Variants in GAREM1 observed in about 807,000 individuals in gnomAD.
The protein encoded by GAREM1 is GRB2-associated and regulator of MAPK protein 1.
Under a neutral mutation model 71.3 loss-of-function variants are expected in GAREM1, and 26 were observed. That is an observed-to-expected ratio of 0.36 (90% CI 0.27 to 0.51). The LOEUF is 0.51. Among genes scored for constraint, GAREM1 ranks in the 20% least tolerant of loss-of-function variants. The probability of loss-of-function intolerance (pLI) is 0.95; values close to 1 mark genes in which losing one functional copy is unlikely to be tolerated. For synonymous variants in GAREM1, 440 were observed against 433.2 expected (o/e 1.02, Z -0.20); for missense variants, 1,026 against 1,103.1 (o/e 0.93, Z 0.99).
rs145496148 is a variant in GAREM1, at chr18:32,450,704, C to T, written c.121+19604G>A. On this transcript the variant is annotated intron_variant, in intron 1 of 5. Coordinates refer to ENST00000269209, the MANE Select transcript of GAREM1 (RefSeq NM_001242409.2). ...GCTTTCTCATACCTCCAGCCTTTAG[C>T]ACTTACTGGAGTCATAATCCCAGCA... Among the ~76,000 whole-genome samples the T allele has an allele frequency of 6.2e-3, 944 of 152,280 alleles. 12 individuals are homozygous for T. The highest frequency in any genetic ancestry group is 0.021 in the African/African-American group (881 of 41,544).
intron 4 of GAREM1, among the ~76,000 whole-genome samples, chr18:32,286,007 T>C (rs1411995933): frequency 6.6e-6 from 1 of 152,210 alleles, no homozygotes; most frequent in East Asian, 1.9e-4. Flanking sequence ...TTGGGATTCA[T>C]GTAATTCTTT....
intron 2 of GAREM1, among the ~76,000 whole-genome samples, chr18:32,388,673 G>A (rs1406352146): frequency 6.6e-6 from 1 of 152,108 alleles, no homozygotes; most frequent in African/African-American, 2.4e-5. Context: ...CCAAACTGAG[G>A]GTTGTTTTAG....
Position 32,287,854 on chromosome 18 carries a change from T to G in GAREM1, c.743A>C (p.Asn248Thr). The G allele has an allele frequency of 1.2e-6, 2 of 1,614,034 alleles. No individual in the cohort carries two copies. The highest frequency in any genetic ancestry group is 8.5e-7 in the Non-Finnish European group (1 of 1,179,988). Residue 248 changes from asparagine to threonine, a missense_variant, in exon 4 of 6, where the codon AAT becomes ACT. Asn to Thr is a moderately conservative substitution (Grantham distance 65). Coordinates refer to ENST00000269209, the MANE Select transcript of GAREM1 (RefSeq NM_001242409.2). The surrounding 1 kb of genome is among the most constrained non-coding windows in gnomAD (Gnocchi z 5.9). ...NIVEKTRLPVNVTVPSPPPRN... is the reference protein window; with the variant it reads ...NIVEKTRLPVTVTVPSPPPRN... ...CGGTGGAGGGCTTGGCACAGTCACA[T>G]TCACAGGAAGCCTGGTTTTCTCCAC...
chr18:32,460,115 TAAAAAAA>T (rs35244955), intron 1 of GAREM1, among the ~76,000 whole-genome samples: 11 of 133,422 alleles, frequency 8.2e-5, no homozygotes, highest in Admixed American at 7.6e-4. Flanking sequence ...TCATCTTATT[TAAAAAAA>T]AAAAAAAAAA....
At position 32,456,369 on chromosome 18, in the gene GAREM1, C is replaced by T. The variant is rs1200695383; in HGVS notation, c.121+13939G>A. Among the ~76,000 whole-genome samples the T allele has an allele frequency of 2.0e-5, 3 of 152,036 alleles. No homozygotes were observed. The South Asian group carries it at 6.2e-4, about 31-fold the overall frequency. ...CCTCAGAATCACTGATAGGGAAATG[C>T]AAATTAACGCAGCAATAAGAGCTTT... On this transcript the variant is annotated intron_variant, in intron 1 of 5. Transcript: ENST00000269209.
chr18:32,285,477 C>A (rs1014720215), intron 4 of GAREM1, among the ~76,000 whole-genome samples: 2 of 152,224 alleles, frequency 1.3e-5, no homozygotes, highest in African/African-American at 2.4e-5. Context: ...TCTTGTTTTC[C>A]CTCTTACATG....
At chr18:32,346,897 G>A (rs2047702381) in intron 2 of GAREM1, among the ~76,000 whole-genome samples, 1 of 152,210 alleles carries the variant, frequency 6.6e-6, no homozygotes, top group Non-Finnish European at 1.5e-5. Context: ...AAGGGAAAGA[G>A]GCCGGTCACC....
At chr18:32,364,010 ATATATATATATATATATGTTTTTTTT>A (rs2047896750) in intron 2 of GAREM1, among the ~76,000 whole-genome samples, 2 of 47,990 alleles carry the variant, frequency 4.2e-5, no homozygotes, top group African/African-American at 1.2e-4. Flanking sequence ...ATATATATAT[ATATATATATATATATATGTTTTTTTT>A]TTTTTTTTTT....
Position 32,288,054 on chromosome 18 carries a change from A to G in GAREM1, c.543T>C (p.Ile181=). The part of the protein sequence containing the change: ...KSRLNTIFKK[I]GKLNSISKLG... Reference sequence around the variant, plus strand: ...GCTTGCTGATGGAATTGAGCTTCCCAATCTTTTTGAAGATTGTGTTGAGTC... The same window carrying G: ...GCTTGCTGATGGAATTGAGCTTCCCGATCTTTTTGAAGATTGTGTTGAGTC... Residue 181 remains isoleucine (I), a synonymous_variant, in exon 4 of 6, where the codon ATT becomes ATC. Coordinates refer to ENST00000269209, the MANE Select transcript of GAREM1 (RefSeq NM_001242409.2). 1 of 1,614,072 alleles carries G rather than the reference A, an allele frequency of 6.2e-7. No homozygotes were observed. Among genetic ancestry groups the G allele is most frequent in the South Asian group, 1.1e-5 (1 of 91,068 alleles).
intron 2 of GAREM1, among the ~76,000 whole-genome samples, chr18:32,314,124 T>C (rs866644051): frequency 6.6e-6 from 1 of 151,384 alleles, no homozygotes; most frequent in Middle Eastern, 3.4e-3. Context: ...AATTTCAAAA[T>C]AACACTTATT....
intron 1 of GAREM1, among the ~76,000 whole-genome samples, chr18:32,402,576 G>A (rs2048325293): frequency 6.6e-6 from 1 of 151,886 alleles, no homozygotes; most frequent in African/African-American, 2.4e-5. Context: ...CTTTCTCCTT[G>A]ACATTTGCCA....
At chr18:32,410,867 A>G (rs546567521) in intron 1 of GAREM1, among the ~76,000 whole-genome samples, 9 of 152,228 alleles carry the variant, frequency 5.9e-5, no homozygotes, top group African/African-American at 2.2e-4. Flanking sequence ...CAGTGGAGCA[A>G]TCTCGGCTCA....
intron 2 of GAREM1, among the ~76,000 whole-genome samples, chr18:32,353,321 G>A (rs561412310): frequency 2.6e-5 from 4 of 152,252 alleles, no homozygotes; most frequent in East Asian, 3.9e-4. Context: ...CCAAGTTCTC[G>A]ATCCTACTTT....
chr18:32,310,172 T>C (rs760424154), intron 3 of GAREM1, 21 bp downstream of exon 3: 6 of 1,612,848 alleles, frequency 3.7e-6, no homozygotes, highest in Admixed American at 3.3e-5. Flanking sequence ...TATAAATATT[T>C]GGTGCTTCAA....
chr18:32,403,810 T>C lies in GAREM1; in HGVS notation c.122-10775A>G, dbSNP rs545013253. ...TTGCTTACAGTCTATGCTGAATTTA[T>C]AGGTTTGTTTTAGAGCTATGAGTAC... On this transcript the variant is annotated intron_variant, in intron 1 of 5. Transcript: ENST00000269209. 8.5e-5 allele frequency among the ~76,000 whole-genome samples: 13 copies of C among 152,372 alleles called. No homozygotes were observed. The South Asian group carries it at 1.0e-3, about 12-fold the overall frequency.
intron 4 of GAREM1, among the ~76,000 whole-genome samples, chr18:32,274,682 C>T (rs1223485089): frequency 6.6e-6 from 1 of 152,166 alleles, no homozygotes; most frequent in Non-Finnish European, 1.5e-5. Context: ...CCCCCCAGCA[C>T]ACCCTGTGCT....
chr18:32,358,967 T>C (rs1377372969), intron 2 of GAREM1, among the ~76,000 whole-genome samples: 1 of 152,214 alleles, frequency 6.6e-6, no homozygotes, highest in East Asian at 1.9e-4. Flanking sequence ...TCCTGTTCAC[T>C]GCACGGGATG....
intron 1 of GAREM1, among the ~76,000 whole-genome samples, chr18:32,417,166 T>A (rs2048473593): frequency 6.6e-6 from 1 of 152,140 alleles, no homozygotes; most frequent in African/African-American, 2.4e-5. Flanking sequence ...AAAACTACAA[T>A]GAAATATCAT....
intron 2 of GAREM1, among the ~76,000 whole-genome samples, chr18:32,321,152 G>C (rs930298968): frequency 7.5e-4 from 114 of 152,212 alleles, no homozygotes; most frequent in African/African-American, 2.4e-3. Flanking sequence ...ATAAACACTT[G>C]TAGAATAAAT....
Sources: gnomAD v4.1 joint callset for allele counts (sites outside exome capture counted in the v4.1 genomes callset) on GRCh38, gnomAD v4.1.1 for gene constraint, Gnocchi (gnomAD v3.1) non-coding constraint, MANE v1.5 for transcripts, NCBI Gene and HGNC (gene_info 2026-07-23, HGNC 2026-07-21) for gene names.